Variants in TNFAIP8 observed in about 807,000 individuals in gnomAD.
TNFAIP8 encodes the protein TNF alpha induced protein 8.
A neutral mutation model predicts 13.3 loss-of-function variants in TNFAIP8; 7 were observed. That is an observed-to-expected ratio of 0.52 (90% CI 0.30 to 0.99). TNFAIP8 has a LOEUF of 0.99. Ranked by LOEUF, TNFAIP8 falls within the 50% of genes least tolerant of loss-of-function variation. The pLI is 0.07. For synonymous variants in TNFAIP8, 94 were observed against 87.6 expected, an observed-to-expected ratio of 1.07 and a Z score of -0.41; for missense variants, 258 against 236.9, an observed-to-expected ratio of 1.09 and a Z score of -0.58.
chr5:119,300,534 CA>C (rs1431225399), intron 1 of TNFAIP8, among the ~76,000 whole-genome samples: 1 of 152,162 alleles, frequency 6.6e-6, no homozygotes, highest in Non-Finnish European at 1.5e-5. Flanking sequence ...AGTCTATTAT[CA>C]AAGCATATAA....
At chr5:119,328,033 C>T (rs1562002545) in intron 1 of TNFAIP8, among the ~76,000 whole-genome samples, 1 of 152,020 alleles carries the variant, frequency 6.6e-6, no homozygotes, top group Non-Finnish European at 1.5e-5. Flanking sequence ...GACCAGGTCT[C>T]CCTGCAGGGA....
At chr5:119,317,376 GATTATATAAGAA>G (rs1749930066) in intron 1 of TNFAIP8, among the ~76,000 whole-genome samples, 1 of 152,018 alleles carries the variant, frequency 6.6e-6, no homozygotes, top group Non-Finnish European at 1.5e-5. Flanking sequence ...ATTTGAAAGT[GATTATATAAGAA>G]ATTATATAAG....
At chr5:119,392,434 A>G (rs11241502) in intron 1 of TNFAIP8, among the ~76,000 whole-genome samples, 52,535 of 151,900 alleles carry the variant, frequency 0.35, 9,598 homozygotes, top group South Asian at 0.44. Context: ...TGTGTCACCC[A>G]GGCTGGAGTG....
At chr5:119,284,187 A>G (rs1382493909) in intron 1 of TNFAIP8, among the ~76,000 whole-genome samples, 1 of 152,154 alleles carries the variant, frequency 6.6e-6, no homozygotes, top group Non-Finnish European at 1.5e-5. Flanking sequence ...GTCAGAGGCA[A>G]TCTGATGTTC....
At chr5:119,366,417 G>A (rs921126045) in intron 1 of TNFAIP8, among the ~76,000 whole-genome samples, 3 of 152,218 alleles carry the variant, frequency 2.0e-5, no homozygotes, top group African/African-American at 4.8e-5. Flanking sequence ...GTGACATTGA[G>A]GAATGCTGCC....
At chr5:119,334,457 G>C (rs1377544388) in intron 1 of TNFAIP8, among the ~76,000 whole-genome samples, 1 of 151,786 alleles carries the variant, frequency 6.6e-6, no homozygotes, top group East Asian at 1.9e-4. Context: ...ACATAGGTGG[G>C]TGTTGGTATA....
At chr5:119,288,552 C>G (rs893134332) in intron 1 of TNFAIP8, among the ~76,000 whole-genome samples, 6 of 152,202 alleles carry the variant, frequency 3.9e-5, no homozygotes, top group African/African-American at 1.4e-4. Context: ...GAGTTTTGCT[C>G]AAGCAATGGC....
At chr5:119,355,650 T>TA (rs1276524944), upstream of TNFAIP8, 7 of 444,052 alleles carry the variant, frequency 1.6e-5, no homozygotes, top group Non-Finnish European at 2.8e-5. Flanking sequence ...GCTATTTATG[T>TA]AAAACTACAG....
At chr5:119,327,211 A>T (rs1750250079) in intron 1 of TNFAIP8, among the ~76,000 whole-genome samples, 1 of 152,022 alleles carries the variant, frequency 6.6e-6, no homozygotes, top group African/African-American at 2.4e-5. Context: ...TCGTTGAGTA[A>T]ATTTCTTCAT....
intron 1 of TNFAIP8, among the ~76,000 whole-genome samples, chr5:119,320,563 G>T (rs1156443647): frequency 6.6e-6 from 1 of 151,974 alleles, no homozygotes; most frequent in Non-Finnish European, 1.5e-5. Context: ...AACCCTTTCT[G>T]TTAAGGTCAC....
intron 1 of TNFAIP8, among the ~76,000 whole-genome samples, chr5:119,281,224 A>G (rs1287415303): frequency 1.7e-4 from 25 of 151,008 alleles, no homozygotes. Context: ...GGGAATCCTC[A>G]TTCACTGGAA....
intron 1 of TNFAIP8, among the ~76,000 whole-genome samples, chr5:119,270,735 T>A (rs1430060866): frequency 6.6e-6 from 1 of 152,236 alleles, no homozygotes; most frequent in East Asian, 1.9e-4. Context: ...AAAATATGAA[T>A]CCCTTAGATA....
chr5:119,387,097 A>G (rs1413047185), intron 1 of TNFAIP8, among the ~76,000 whole-genome samples: 1 of 151,874 alleles, frequency 6.6e-6, no homozygotes, highest in Admixed American at 6.6e-5. Flanking sequence ...CTGACACATC[A>G]CTAGCTACTC....
intron 1 of TNFAIP8, among the ~76,000 whole-genome samples, chr5:119,341,790 T>G (rs2112731123): frequency 6.6e-6 from 1 of 152,230 alleles, no homozygotes; most frequent in South Asian, 2.1e-4. Context: ...TCTGAGTATT[T>G]TACATCATTT....
chr5:119,326,423 G>T (rs1203577309), intron 1 of TNFAIP8, among the ~76,000 whole-genome samples: 1 of 152,102 alleles, frequency 6.6e-6, no homozygotes, highest in South Asian at 2.1e-4. Flanking sequence ...GAATCCGAGG[G>T]GCTGAGGAAA....
At chr5:119,389,369 C>T (rs1580451803) in intron 1 of TNFAIP8, among the ~76,000 whole-genome samples, 1 of 151,788 alleles carries the variant, frequency 6.6e-6, no homozygotes, top group East Asian at 1.9e-4. Context: ...GTCATTGGCA[C>T]ATGGGTGGTA....
intron 1 of TNFAIP8, among the ~76,000 whole-genome samples, chr5:119,273,274 G>A (rs1748342915): frequency 6.6e-6 from 1 of 152,240 alleles, no homozygotes; most frequent in Non-Finnish European, 1.5e-5. Flanking sequence ...CCATTAAGTG[G>A]AGGACTTAGT....
chr5:119,367,985 T>A (rs1030417285), intron 1 of TNFAIP8, among the ~76,000 whole-genome samples: 1 of 152,194 alleles, frequency 6.6e-6, no homozygotes, highest in Non-Finnish European at 1.5e-5. Flanking sequence ...CAGTATTCTC[T>A]CCTTGTTATC....
At chr5:119,277,954 G>C (rs1210610904) in intron 1 of TNFAIP8, among the ~76,000 whole-genome samples, 1 of 152,096 alleles carries the variant, frequency 6.6e-6, no homozygotes, top group East Asian at 1.9e-4. Flanking sequence ...GAGCCCTTAT[G>C]ACTTAATCAC....
Sources: allele counts gnomAD v4.1 joint callset (sites outside exome capture counted in the v4.1 genomes callset), GRCh38; gene constraint gnomAD v4.1.1; transcripts MANE v1.5; gene names NCBI Gene and HGNC (gene_info 2026-07-23, HGNC 2026-07-21).